The following DAB1 variants were observed in gnomAD, a reference collection of about 807,000 sequenced individuals.
DAB1 encodes the protein DAB adaptor protein 1.
DAB1 carries 15 observed loss-of-function variants against 64.6 expected under a neutral mutation model. That is an observed-to-expected ratio of 0.23 (90% CI 0.16 to 0.36). The LOEUF is 0.36. Among genes scored for constraint, DAB1 ranks in the 10% least tolerant of loss-of-function variants. The pLI is 1.00. For synonymous variants in DAB1, 235 were observed against 251.9 expected, an observed-to-expected ratio of 0.93 and a Z score of 0.64; for missense variants, 596 against 706.7, an observed-to-expected ratio of 0.84 and a Z score of 1.78.
intron 5 of DAB1, among the ~76,000 whole-genome samples, chr1:57,927,425 T>C (rs182176543): frequency 5.9e-5 from 9 of 152,170 alleles, no homozygotes; most frequent in African/African-American, 1.9e-4. Flanking sequence ...CCTGAGCTTC[T>C]AGGGAAATCC....
At chr1:57,967,705 G>T (rs572548963) in intron 5 of DAB1, among the ~76,000 whole-genome samples, 1 of 151,878 alleles carries the variant, frequency 6.6e-6, no homozygotes, top group African/African-American at 2.4e-5. Context: ...CAGGGGGGTT[G>T]TGAGGACGAA....
At position 57,523,680 on chromosome 1, in the gene DAB1, G is replaced by A. The variant is rs149742408; in HGVS notation, n.625+125912C>T. Reference sequence around the variant, plus strand: ...CTCACACCTGTAATCCCAGCACTTCGGGAGGCCAAGGCAGGTGGATTACTT... The same window carrying A: ...CTCACACCTGTAATCCCAGCACTTCAGGAGGCCAAGGCAGGTGGATTACTT... On this transcript the variant is annotated intron_variant and non_coding_transcript_variant, in intron 7 of 20. Coordinates refer to the DAB1 transcript ENST00000485760. Among the ~76,000 whole-genome samples the A allele has an allele frequency of 6.8e-3, 1,037 of 152,194 alleles. 8 individuals carry two copies. Among genetic ancestry groups the A allele is most frequent in the African/African-American group, 0.024 (980 of 41,534 alleles).
chr1:58,234,412 G>A (rs896476065), intron 4 of DAB1, among the ~76,000 whole-genome samples: 1 of 152,190 alleles, frequency 6.6e-6, no homozygotes, highest in Non-Finnish European at 1.5e-5. Context: ...GAGCAAGAGA[G>A]CCCCACAAAA....
chr1:58,408,665 A>T (rs1644639907), intron 3 of DAB1, among the ~76,000 whole-genome samples: 1 of 152,206 alleles, frequency 6.6e-6, no homozygotes, highest in Non-Finnish European at 1.5e-5. Flanking sequence ...AGAAAAAAAT[A>T]CTCAGACTGG....
chr1:57,042,817 G>A (rs998502547), intron 9 of DAB1, among the ~76,000 whole-genome samples: 12 of 151,912 alleles, frequency 7.9e-5, no homozygotes, highest in African/African-American at 2.7e-4. Flanking sequence ...TGGCATGTAT[G>A]TGCATGCATG....
At chr1:57,850,800 G>A (rs1291690933) in intron 1 of DAB1, among the ~76,000 whole-genome samples, 1 of 152,148 alleles carries the variant, frequency 6.6e-6, no homozygotes, top group Non-Finnish European at 1.5e-5. Context: ...TGAGTGGTCT[G>A]ACCTAAAACA....
chr1:58,393,263 T>G (rs1011065826), intron 3 of DAB1, among the ~76,000 whole-genome samples: 36 of 152,032 alleles, frequency 2.4e-4, no homozygotes, highest in African/African-American at 8.4e-4. Flanking sequence ...TTTCCTGAGC[T>G]CCAGTTATTT....
chr1:57,963,748 A>G (rs1645583914), intron 5 of DAB1, among the ~76,000 whole-genome samples: 1 of 130,824 alleles, frequency 7.6e-6, no homozygotes, highest in Admixed American at 8.4e-5. Flanking sequence ...ACTCTACATC[A>G]GCCCCAGGGC....
At chr1:57,209,863 C>T (rs1420123242) in intron 2 of DAB1, among the ~76,000 whole-genome samples, 1 of 152,182 alleles carries the variant, frequency 6.6e-6, no homozygotes, top group Non-Finnish European at 1.5e-5. Flanking sequence ...CTCTCTCAAC[C>T]TACCTGGTCT....
At chr1:58,207,803 C>T (rs942131629) in intron 4 of DAB1, among the ~76,000 whole-genome samples, 7 of 152,100 alleles carry the variant, frequency 4.6e-5, no homozygotes, top group African/African-American at 1.4e-4. Flanking sequence ...AAAAAAAATG[C>T]AATCTTAGAG....
chr1:57,228,856 A>T lies in DAB1; in HGVS notation c.67+62108T>A, dbSNP rs941430680. 3.3e-5 allele frequency among the ~76,000 whole-genome samples: 5 copies of T among 152,236 alleles called. No individual in the cohort carries two copies. The South Asian group carries it at 8.3e-4, about 25-fold the overall frequency. ...AAACAGAAGACTCGGTAGATAAAATAGTTATATTCATTTAATAGAATTCTA... is the reference window on the plus strand; with the variant it reads ...AAACAGAAGACTCGGTAGATAAAATTGTTATATTCATTTAATAGAATTCTA... On this transcript the variant is annotated intron_variant, in intron 2 of 14. Transcript: ENST00000371236.
chr1:57,834,071 T>C (rs1276570425), intron 1 of DAB1, among the ~76,000 whole-genome samples: 2 of 152,206 alleles, frequency 1.3e-5, no homozygotes, highest in African/African-American at 2.4e-5. Flanking sequence ...TTGGAATATT[T>C]TGCAGTCTAA....
At chr1:57,090,877 T>C (rs1266822369) in intron 4 of DAB1, among the ~76,000 whole-genome samples, 2 of 152,056 alleles carry the variant, frequency 1.3e-5, no homozygotes, top group Non-Finnish European at 2.9e-5. Flanking sequence ...TCCTATCAGA[T>C]CAGTAGCAGC....
rs1050318863 is a variant in DAB1 at position 57,592,279 on chromosome 1, T to A, written n.625+57313A>T. 2.6e-5 allele frequency among the ~76,000 whole-genome samples: 4 copies of A among 152,194 alleles called. No individual in the cohort carries two copies. In the South Asian group the frequency reaches 8.3e-4, roughly 32 times the overall value. On this transcript the variant is annotated intron_variant and non_coding_transcript_variant, in intron 7 of 20. Transcript: ENST00000485760. ...GGGCAAAAGAATCATGGATTTGAGA[T>A]GTGACACACAGGATTTTAACAAATG...
At chr1:57,008,615 T>C (rs1474728064) in intron 14 of DAB1, among the ~76,000 whole-genome samples, 1 of 152,224 alleles carries the variant, frequency 6.6e-6, no homozygotes, top group Non-Finnish European at 1.5e-5. Context: ...AGAATAATTA[T>C]AAAATCACAG....
chr1:57,603,301 G>A (rs1286915451), intron 7 of DAB1, among the ~76,000 whole-genome samples: 1 of 152,166 alleles, frequency 6.6e-6, no homozygotes, highest in Non-Finnish European at 1.5e-5. Flanking sequence ...GTGCCTGTCA[G>A]TAAGGGATCC....
At position 57,671,727 on chromosome 1, in the gene DAB1, C is replaced by T. The variant is rs542775185; in HGVS notation, n.552-22062G>A. On this transcript the variant is annotated intron_variant and non_coding_transcript_variant, in intron 6 of 20. Coordinates refer to the DAB1 transcript ENST00000485760. Reference sequence around the variant, plus strand: ...TCAAAGTCTGAAAAACAGTAACTCACTTGTACACTAATTTCTGTTGACATT... The same window carrying T: ...TCAAAGTCTGAAAAACAGTAACTCATTTGTACACTAATTTCTGTTGACATT... 2.6e-5 allele frequency among the ~76,000 whole-genome samples: 4 copies of T among 152,138 alleles called. No homozygotes were observed. In the East Asian group the frequency reaches 7.8e-4, roughly 29 times the overall value.
intron 2 of DAB1, among the ~76,000 whole-genome samples, chr1:57,238,091 T>C (rs1668226508): frequency 6.6e-6 from 1 of 152,120 alleles, no homozygotes; most frequent in African/African-American, 2.4e-5. Context: ...AAAGGGGTTT[T>C]AGAACAAGGA....
downstream of DAB1, among the ~76,000 whole-genome samples, chr1:57,825,052 C>T (rs1415419492): frequency 1.3e-5 from 2 of 152,188 alleles, no homozygotes; most frequent in Admixed American, 1.3e-4. Flanking sequence ...TTCAGACAAG[C>T]CACTTCATAT....
Sources: allele counts gnomAD v4.1 joint callset (sites outside exome capture counted in the v4.1 genomes callset), GRCh38; gene constraint gnomAD v4.1.1; transcripts MANE v1.5; gene names NCBI Gene and HGNC (gene_info 2026-07-23, HGNC 2026-07-21).